Variants in C3orf62 observed in about 807,000 individuals in gnomAD.
C3orf62 encodes uncharacterized protein C3orf62.
A neutral mutation model predicts 21.7 loss-of-function variants in C3orf62; 16 were observed. That is an observed-to-expected ratio of 0.74 (90% CI 0.50 to 1.12). The LOEUF (loss-of-function observed/expected upper bound fraction) is 1.12, where lower values mean the gene tolerates loss of function less well. Among genes scored for constraint, C3orf62 ranks in the 50% most tolerant of loss-of-function variants. The pLI, the probability that C3orf62 is intolerant of heterozygous loss-of-function variation, is 0.00. For missense variants in C3orf62, 310 were observed against 318.8 expected, an observed-to-expected ratio of 0.97 and a Z score of 0.21; for synonymous variants, 114 against 117.0, an observed-to-expected ratio of 0.97 and a Z score of 0.17.
rs1452279559 is a variant in C3orf62, at chr3:49,276,718, G to A, written c.155C>T (p.Ala52Val). 2 of 1,614,202 alleles carry A rather than the reference G, an allele frequency of 1.2e-6. No homozygotes were observed. Among genetic ancestry groups the A allele is most frequent in the Non-Finnish European group, 1.7e-6 (2 of 1,180,046 alleles). The change falls in exon 1 of 3, where the codon GCG becomes GTG. Residue 52 changes from alanine (A) to valine (V), a missense_variant. Coordinates refer to ENST00000343010, the MANE Select transcript of C3orf62 (RefSeq NM_198562.3). ...TGQQRLELSA[A>V]PLSFSLPVHR... ...CACGGGCAGCGAGAAGGAGAGCGGC[G>A]CGGCGCTCAGTTCCAGCCTCTGCTG...
At chr3:49,274,023 A>G (rs771749628) in intron 2 of C3orf62, 26 bp downstream of exon 2, 37 of 1,538,158 alleles carry the variant, frequency 2.4e-5, no homozygotes, top group Non-Finnish European at 3.1e-5. Flanking sequence ...TCCCAAGGAC[A>G]GGATGGACTT....
At chr3:49,273,580 C>A (rs1456468442) in intron 2 of C3orf62, among the ~76,000 whole-genome samples, 1 of 152,070 alleles carries the variant, frequency 6.6e-6, no homozygotes, top group Admixed American at 6.6e-5. Context: ...TGGGCACACA[C>A]CACTGTGCCC....
intron 1 of C3orf62, among the ~76,000 whole-genome samples, chr3:49,275,666 G>A (rs1575595869): frequency 1.3e-5 from 2 of 151,026 alleles, no homozygotes; most frequent in Admixed American, 6.6e-5. Context: ...GAGTAGCTGG[G>A]ACTACAGGCG....
intron 2 of C3orf62, 46 bp downstream of exon 2, chr3:49,274,003 G>T (rs755273795): frequency 2.9e-6 from 4 of 1,362,540 alleles, no homozygotes; most frequent in Non-Finnish European, 4.2e-6. Flanking sequence ...CCCATGTGAA[G>T]GACCTATCTT....
Position 49,277,106 on chromosome 3 carries a change from C to G in C3orf62, c.-234G>C. 1 of 1,478,262 alleles carries G rather than the reference C, an allele frequency of 6.8e-7. No homozygotes were observed. The highest frequency in any genetic ancestry group is 9.0e-7 in the Non-Finnish European group (1 of 1,109,156). The allele number at this position is 1,478,262 out of a possible 1,614,324, so 91.6% of individuals were successfully genotyped here. On this transcript the variant is annotated 5_prime_UTR_variant, in exon 1 of 3. Coordinates refer to ENST00000343010, the MANE Select transcript of C3orf62 (RefSeq NM_198562.3). Reference sequence around the variant, plus strand: ...CCTGGCCCGCCCCGCCGCTGCCTCCCGCCCCACCGCGGCTCCCAGGCCGCT... The same window carrying G: ...CCTGGCCCGCCCCGCCGCTGCCTCCGGCCCCACCGCGGCTCCCAGGCCGCT...
chr3:49,274,007 C>T (rs781526069), intron 2 of C3orf62, 42 bp downstream of exon 2: 14 of 1,409,378 alleles, frequency 9.9e-6, no homozygotes, highest in Admixed American at 1.7e-5. Context: ...TGTGAAGGAC[C>T]TATCTTCCCA....
At position 49,277,151 on chromosome 3, in the gene C3orf62, C is replaced by G. The variant is rs767875259; in HGVS notation, c.-279G>C. On this transcript the variant is annotated 5_prime_UTR_variant, in exon 1 of 3. Transcript: ENST00000343010. ...GCCGCTGGCCCTACCGGCACCCCCCCTTTGGCGAGTCGGCAGCCACGTCCT... is the reference window on the plus strand; with the variant it reads ...GCCGCTGGCCCTACCGGCACCCCCCGTTTGGCGAGTCGGCAGCCACGTCCT... 9.7e-6 allele frequency: 14 copies of G among 1,436,292 alleles called. No individual in the cohort carries two copies. In the African/African-American group the frequency reaches 1.6e-4, roughly 16 times the overall value. The allele number at this position is 1,436,292 out of a possible 1,614,324, so 89.0% of individuals were successfully genotyped here.
chr3:49,277,140 C>T lies in C3orf62; in HGVS notation c.-268G>A, dbSNP rs775354873. 6.9e-6 allele frequency: 10 copies of T among 1,451,262 alleles called. 1 individual carries two copies. In the South Asian group the frequency reaches 7.3e-5, roughly 11 times the overall value. The allele number at this position is 1,451,262 out of a possible 1,614,324, so 89.9% of individuals were successfully genotyped here. ...GCGGCTCCCAGGCCGCTGGCCCTAC[C>T]GGCACCCCCCCTTTGGCGAGTCGGC... On this transcript the variant is annotated 5_prime_UTR_variant, in exon 1 of 3. Transcript: ENST00000343010.
chr3:49,274,046 C>T lies in C3orf62; in HGVS notation c.538+3G>A. ...ACAGGATGGACTTGCCCACTGTACT[C>T]ACCAATCATATCAAGCAGATCCTTT... On this transcript the variant is annotated splice_donor_region_variant and intron_variant, in intron 2 of 2. Transcript: ENST00000343010. The T allele has an allele frequency of 6.2e-7, 1 of 1,610,436 alleles. No homozygotes were observed. Among genetic ancestry groups the T allele is most frequent in the Non-Finnish European group, 8.5e-7 (1 of 1,176,688 alleles).
At chr3:49,272,743 G>A (rs1263791924) in intron 2 of C3orf62, among the ~76,000 whole-genome samples, 8 of 151,564 alleles carry the variant, frequency 5.3e-5, no homozygotes, top group African/African-American at 1.9e-4. Flanking sequence ...AGTAGAGAAG[G>A]GGTTTTGCCA....
intron 2 of C3orf62, among the ~76,000 whole-genome samples, chr3:49,271,791 C>T (rs2046913024): frequency 1.3e-5 from 2 of 151,888 alleles, no homozygotes; most frequent in South Asian, 4.2e-4. Context: ...TAAACTGCTG[C>T]CCAGCCAGGA....
Position 49,274,057 on chromosome 3 carries a change from T to G in C3orf62, c.530A>C (p.Asp177Ala). The G allele has an allele frequency of 6.2e-7, 1 of 1,613,198 alleles. No homozygotes were observed. The highest frequency in any genetic ancestry group is 1.1e-5 in the South Asian group (1 of 91,062). Residue 177 changes from aspartate to alanine, a missense_variant, in exon 2 of 3, where the codon GAT becomes GCT. Transcript: ENST00000343010. ...TTGCCCACTGTACTCACCAATCATA[T>G]CAAGCAGATCCTTTGTGACCTCTTG... The part of the protein sequence containing the change: ...SSQEVTKDLL[D>A]MIDHTSIRTI...
In C3orf62 at chr3:49,277,004, G is replaced by C; in HGVS notation, c.-132C>G. The C allele has an allele frequency of 6.8e-7, 1 of 1,463,530 alleles. No homozygotes were observed. Among genetic ancestry groups the C allele is most frequent in the Admixed American group, 2.5e-5 (1 of 40,100 alleles). 90.7% of individuals were successfully genotyped at this position (1,463,530 alleles called of 1,614,324 possible). ...CCCTCGGGCTTTCCTCCTGGAGTAG[G>C]CGGTTCTCGGCTCTCGCGGAGGAAC... is the stretch of plus-strand genomic sequence containing the variant. On this transcript the variant is annotated 5_prime_UTR_variant, in exon 1 of 3. Transcript: ENST00000343010.
chr3:49,271,528 G>C, intron 2 of C3orf62, 83 bp from the exon 3 acceptor site: 1 of 1,463,704 alleles, frequency 6.8e-7, no homozygotes, highest in Non-Finnish European at 9.3e-7. Flanking sequence ...AACCATGAAT[G>C]GGTTGTCATT....
At chr3:49,273,972 T>G in intron 2 of C3orf62, 77 bp downstream of exon 2, 5 of 1,032,420 alleles carry the variant, frequency 4.8e-6, no homozygotes, top group Non-Finnish European at 7.6e-6. Context: ...TTCTTATATC[T>G]GAGATATTTG....
chr3:49,276,395 T>A, intron 1 of C3orf62, 32 bp downstream of exon 1: 1 of 1,578,868 alleles, frequency 6.3e-7, no homozygotes, highest in Admixed American at 1.8e-5. Context: ...TCCCCTTAAT[T>A]GTAGCTGTTA....
intron 1 of C3orf62, among the ~76,000 whole-genome samples, chr3:49,275,927 C>T (rs1156813318): frequency 6.6e-6 from 1 of 151,830 alleles, no homozygotes; most frequent in African/African-American, 2.4e-5. Context: ...CTAGAAGAGA[C>T]CTGGTGATGG....
In C3orf62 at chr3:49,277,133, G is replaced by A. The variant is rs2046970770; in HGVS notation, c.-261C>T. On this transcript the variant is annotated 5_prime_UTR_variant, in exon 1 of 3. Coordinates refer to ENST00000343010, the MANE Select transcript of C3orf62 (RefSeq NM_198562.3). ...CCCCACCGCGGCTCCCAGGCCGCTGGCCCTACCGGCACCCCCCCTTTGGCG... is the reference window on the plus strand; with the variant it reads ...CCCCACCGCGGCTCCCAGGCCGCTGACCCTACCGGCACCCCCCCTTTGGCG... The A allele has an allele frequency of 1.4e-6, 2 of 1,460,712 alleles. No homozygotes were observed. Among genetic ancestry groups the A allele is most frequent in the African/African-American group, 1.4e-5 (1 of 71,664 alleles). 90.5% of individuals were successfully genotyped at this position (1,460,712 alleles called of 1,614,324 possible). A position where few individuals can be genotyped will look rare whatever the true frequency, so the allele number is the denominator to read the frequency against.
At position 49,277,061 on chromosome 3, in the gene C3orf62, C is replaced by T. The variant is rs1030265248; in HGVS notation, c.-189G>A. On this transcript the variant is annotated 5_prime_UTR_variant, in exon 1 of 3. Transcript: ENST00000343010. Reference sequence around the variant, plus strand: ...TCTGCCAGAAGCCCCAAAGACGCCCCGCCCCACTTCCCACAGCTTCCTGGC... The same window carrying T: ...TCTGCCAGAAGCCCCAAAGACGCCCTGCCCCACTTCCCACAGCTTCCTGGC... 10 of 1,478,584 alleles carry T rather than the reference C, an allele frequency of 6.8e-6. No individual in the cohort carries two copies. Among genetic ancestry groups the T allele is most frequent in the East Asian group, 5.0e-5 (2 of 39,660 alleles). 91.6% of individuals were successfully genotyped at this position (1,478,584 alleles called of 1,614,324 possible).
Sources: allele counts gnomAD v4.1 joint callset (sites outside exome capture counted in the v4.1 genomes callset), GRCh38; gene constraint gnomAD v4.1.1; transcripts MANE v1.5; gene names NCBI Gene and HGNC (gene_info 2026-07-23, HGNC 2026-07-21).